Variants in ESRRG observed in about 807,000 individuals in gnomAD.
The protein encoded by ESRRG is estrogen-related receptor gamma.
In ESRRG, 13 loss-of-function variants were observed where a neutral mutation model predicts 44.0. The ratio of observed to expected loss-of-function variants is 0.30; its 90% CI spans 0.19 to 0.47. The LOEUF is 0.47. ESRRG is among the 20% of genes least tolerant of loss of function. The pLI is 1.00. For missense variants in ESRRG, 395 were observed against 580.6 expected (o/e 0.68, Z 3.29); for synonymous variants, 215 against 214.6 (o/e 1.00, Z -0.02).
chr1:217,013,309 A>T (rs1450219055), intron 1 of ESRRG, among the ~76,000 whole-genome samples: 1 of 152,236 alleles, frequency 6.6e-6, no homozygotes, highest in Non-Finnish European at 1.5e-5. Context: ...CAAAGCAGAT[A>T]TTACCTTAGG....
At chr1:216,830,415 A>C (rs2148730277) in intron 2 of ESRRG, among the ~76,000 whole-genome samples, 1 of 152,342 alleles carries the variant, frequency 6.6e-6, no homozygotes, top group South Asian at 2.1e-4. Flanking sequence ...TTCTGTAGTT[A>C]GTGTGCACAA....
At chr1:216,570,489 C>T (rs2060586043) in intron 3 of ESRRG, among the ~76,000 whole-genome samples, 1 of 152,042 alleles carries the variant, frequency 6.6e-6, no homozygotes, top group Non-Finnish European at 1.5e-5. Flanking sequence ...TTTTTCATCT[C>T]TTTCTCTTCA....
At chr1:216,919,401 C>T (rs1017105501) in intron 2 of ESRRG, among the ~76,000 whole-genome samples, 24 of 152,104 alleles carry the variant, frequency 1.6e-4, no homozygotes, top group Non-Finnish European at 2.8e-4. Flanking sequence ...AGCTGAGAAA[C>T]ATCATATTTC....
intron 2 of ESRRG, among the ~76,000 whole-genome samples, chr1:216,852,262 G>T (rs1465465246): frequency 6.6e-6 from 1 of 151,574 alleles, no homozygotes; most frequent in African/African-American, 2.4e-5. Context: ...ACTGATATAT[G>T]CTGGGTTCTT....
At chr1:216,631,702 T>C in intron 3 of ESRRG, among the ~76,000 whole-genome samples, 1 of 152,178 alleles carries the variant, frequency 6.6e-6, no homozygotes, top group East Asian at 1.9e-4. Flanking sequence ...ACCTATATTA[T>C]ATATGTATAT....
intron 1 of ESRRG, among the ~76,000 whole-genome samples, chr1:216,949,327 A>G (rs542697087): frequency 4.6e-5 from 7 of 152,318 alleles, no homozygotes; most frequent in African/African-American, 1.7e-4. Flanking sequence ...ATAATGTTGA[A>G]GGTTTCTTAA....
At chr1:216,934,527 C>T (rs1034563982) in intron 2 of ESRRG, among the ~76,000 whole-genome samples, 8 of 152,100 alleles carry the variant, frequency 5.3e-5, no homozygotes, top group South Asian at 4.2e-4. Context: ...CTCACAATCA[C>T]GGTGGAAGGC....
intron 1 of ESRRG, among the ~76,000 whole-genome samples, chr1:216,712,940 G>C (rs971981688): frequency 1.3e-5 from 2 of 152,176 alleles, no homozygotes; most frequent in African/African-American, 4.8e-5. Flanking sequence ...TAAGGAACTA[G>C]TACTGAACAA....
intron 2 of ESRRG, among the ~76,000 whole-genome samples, chr1:216,829,219 G>A (rs2095445938): frequency 6.6e-6 from 1 of 152,048 alleles, no homozygotes; most frequent in South Asian, 2.1e-4. Context: ...GAGCACCAGA[G>A]CTCCTGACAC....
At chr1:216,584,117 C>G (rs1343013039) in intron 3 of ESRRG, among the ~76,000 whole-genome samples, 1 of 151,884 alleles carries the variant, frequency 6.6e-6, no homozygotes, top group African/African-American at 2.4e-5. Flanking sequence ...TCCTCTCATT[C>G]TCCTTTCCTT....
chr1:216,650,820 G>C (rs1574769707), intron 3 of ESRRG, among the ~76,000 whole-genome samples, 153 bp downstream of exon 3: 1 of 152,222 alleles, frequency 6.6e-6, no homozygotes, highest in East Asian at 1.9e-4. Context: ...TAAGTTATCA[G>C]AAAGTCCAGG....
chr1:216,693,905 AG>A (rs1286158644), intron 1 of ESRRG, among the ~76,000 whole-genome samples: 3 of 152,232 alleles, frequency 2.0e-5, no homozygotes, highest in Non-Finnish European at 4.4e-5. Flanking sequence ...ACACAAAAAA[AG>A]TTGTGGACTT....
Position 216,768,558 on chromosome 1 carries a change from T to C in ESRRG, c.-13-91067A>G, listed in dbSNP as rs376843036. 6.6e-5 allele frequency among the ~76,000 whole-genome samples: 10 copies of C among 152,136 alleles called. No homozygotes were observed. The East Asian group carries it at 1.6e-3, about 24-fold the overall frequency. On this transcript the variant is annotated intron_variant, in intron 2 of 7. Transcript: ENST00000359162. The stretch of plus-strand genomic sequence containing the variant: ...AGGCTAGAATGCAGTAGCACAATCA[T>C]AGCTCACTGAAGCCTTGAACTCCTG...
chr1:217,066,380 G>A (rs543128270), intron 1 of ESRRG, among the ~76,000 whole-genome samples: 44 of 150,318 alleles, frequency 2.9e-4, no homozygotes, highest in African/African-American at 1.1e-3. Context: ...TCAGCCTCCC[G>A]AGTAGCTGGG....
At chr1:216,618,128 A>C (rs1265395339) in intron 3 of ESRRG, among the ~76,000 whole-genome samples, 1 of 152,256 alleles carries the variant, frequency 6.6e-6, no homozygotes, top group Non-Finnish European at 1.5e-5. Flanking sequence ...CACTGAATAA[A>C]GACAGTTTAG....
intron 1 of ESRRG, among the ~76,000 whole-genome samples, chr1:216,961,563 T>TA (rs1314652965): frequency 2.1e-5 from 1 of 48,672 alleles, no homozygotes; most frequent in African/African-American, 3.6e-5. Context: ...TTACTCTTAT[T>TA]TTTTTTTTTT....
chr1:216,745,447 A>T (rs2091283171), intron 2 of ESRRG, among the ~76,000 whole-genome samples: 1 of 152,050 alleles, frequency 6.6e-6, no homozygotes, highest in Non-Finnish European at 1.5e-5. Flanking sequence ...TGCCTCGGCC[A>T]CTCAAGTTGC....
chr1:216,508,231 A>C (rs1044650962), intron 6 of ESRRG, among the ~76,000 whole-genome samples: 15 of 152,238 alleles, frequency 9.9e-5, no homozygotes, highest in Non-Finnish European at 4.4e-5. Flanking sequence ...CTAAATATAT[A>C]ATAAAAATGA....
At chr1:217,027,151 G>A (rs557763841) in intron 1 of ESRRG, among the ~76,000 whole-genome samples, 1 of 152,056 alleles carries the variant, frequency 6.6e-6, no homozygotes, top group Non-Finnish European at 1.5e-5. Flanking sequence ...TGTTCCTTCT[G>A]TTCCCCAAAC....
Sources: allele counts gnomAD v4.1 joint callset (sites outside exome capture counted in the v4.1 genomes callset), GRCh38; gene constraint gnomAD v4.1.1; transcripts MANE v1.5; gene names NCBI Gene and HGNC (gene_info 2026-07-23, HGNC 2026-07-21).